TANC2: variants seen among roughly 807,000 people sequenced by gnomAD.
TANC2 encodes protein TANC2.
In TANC2, 26 loss-of-function variants were observed where a neutral mutation model predicts 210.5. That is an observed-to-expected ratio of 0.12 (90% CI 0.09 to 0.17). TANC2 has a LOEUF of 0.17. Among genes scored for constraint, TANC2 ranks in the 10% least tolerant of loss-of-function variants. The pLI is 1.00. For missense variants in TANC2, 2,129 were observed against 2,608.9 expected (o/e 0.82, Z 4.01); for synonymous variants, 931 against 967.1 (o/e 0.96, Z 0.69).
At chr17:63,069,956 T>TTAC (rs2144621460) in intron 2 of TANC2, among the ~76,000 whole-genome samples, 1 of 152,312 alleles carries the variant, frequency 6.6e-6, no homozygotes, top group Admixed American at 6.5e-5. Flanking sequence ...AGAAAATAGG[T>TTAC]TACCAATAGA....
chr17:63,413,380 G>A, intron 24 of TANC2, 163 bp from the exon 25 acceptor site: 1 of 536,778 alleles, frequency 1.9e-6, no homozygotes, highest in Non-Finnish European at 3.3e-6. Context: ...CTTCTTGGCA[G>A]TGGGAGTTAC....
intron 9 of TANC2, among the ~76,000 whole-genome samples, chr17:63,304,896 C>T (rs1230027187): frequency 6.6e-6 from 1 of 152,212 alleles, no homozygotes; most frequent in Non-Finnish European, 1.5e-5. Flanking sequence ...CTGTGAAGGA[C>T]ACCTCTTGGG....
chr17:63,217,275 A>T (rs1261802154), intron 7 of TANC2, among the ~76,000 whole-genome samples: 1 of 152,176 alleles, frequency 6.6e-6, no homozygotes, highest in South Asian at 2.1e-4. Context: ...GCTTTGAGAA[A>T]ATCAGTAAAA....
At chr17:62,994,832 ATTC>A (rs1440692724) in intron 1 of TANC2, among the ~76,000 whole-genome samples, 1 of 152,174 alleles carries the variant, frequency 6.6e-6, no homozygotes, top group Non-Finnish European at 1.5e-5. Context: ...GTCTTTTTGC[ATTC>A]TTCTTCTGAT....
intron 7 of TANC2, among the ~76,000 whole-genome samples, chr17:63,231,363 T>A (rs929858327): frequency 4.6e-5 from 7 of 152,220 alleles, no homozygotes; most frequent in African/African-American, 1.7e-4. Flanking sequence ...TATTAGTCTT[T>A]GTACTTCAGT....
At chr17:63,312,653 C>T (rs1242767298) in intron 9 of TANC2, among the ~76,000 whole-genome samples, 1 of 152,140 alleles carries the variant, frequency 6.6e-6, no homozygotes, top group African/African-American at 2.4e-5. Context: ...ATCATTCATA[C>T]CCCAAACCTC....
intron 2 of TANC2, among the ~76,000 whole-genome samples, chr17:63,056,796 T>C (rs933861790): frequency 6.6e-6 from 1 of 152,250 alleles, no homozygotes; most frequent in Non-Finnish European, 1.5e-5. Context: ...CCATTTCTTA[T>C]CTGTATTTCT....
intron 5 of TANC2, among the ~76,000 whole-genome samples, chr17:63,175,864 A>G (rs941639887): frequency 1.3e-5 from 2 of 152,218 alleles, no homozygotes; most frequent in African/African-American, 4.8e-5. Flanking sequence ...CCATTTTATT[A>G]TGACAACTGA....
At chr17:63,213,167 CT>C (rs2041934287) in intron 7 of TANC2, among the ~76,000 whole-genome samples, 1 of 152,284 alleles carries the variant, frequency 6.6e-6, no homozygotes, top group Admixed American at 6.5e-5. Flanking sequence ...TGTTTGGAGC[CT>C]ACCGTATGTG....
chr17:63,392,110 T>G (rs1299191964), intron 17 of TANC2, among the ~76,000 whole-genome samples: 1 of 152,214 alleles, frequency 6.6e-6, no homozygotes, highest in East Asian at 1.9e-4. Flanking sequence ...TGAGATCCTC[T>G]GGTCTTCCTT....
chr17:63,046,584 G>T (rs914322717), intron 2 of TANC2, among the ~76,000 whole-genome samples: 42 of 150,784 alleles, frequency 2.8e-4, no homozygotes, highest in Admixed American at 2.4e-3. Flanking sequence ...CACCTGCCTT[G>T]GCCTCCCAAA....
At chr17:63,106,340 T>C (rs1337313491) in intron 4 of TANC2, among the ~76,000 whole-genome samples, 1 of 151,674 alleles carries the variant, frequency 6.6e-6, no homozygotes, top group East Asian at 1.9e-4. Context: ...AGAACTGGGC[T>C]CAATTCTGAA....
intron 2 of TANC2, among the ~76,000 whole-genome samples, chr17:63,030,840 A>T (rs9892384): frequency 0.93 from 139,988 of 150,982 alleles, 64,870 homozygotes; most frequent in South Asian, 0.99. Flanking sequence ...TGTTTTTTTT[A>T]ATCTTAAAAA....
At chr17:63,258,618 C>G (rs1278755278) in intron 8 of TANC2, among the ~76,000 whole-genome samples, 9 of 152,164 alleles carry the variant, frequency 5.9e-5, no homozygotes, top group Non-Finnish European at 1.0e-4. Context: ...AGTCTCAACA[C>G]CCCAGGCCCA....
rs2044194030 is a variant in TANC2 at position 63,285,523 on chromosome 17, G to A, written c.1159+17650G>A. Among the ~76,000 whole-genome samples the A allele has an allele frequency of 2.6e-5, 4 of 152,200 alleles. No homozygotes were observed. In the South Asian group the frequency reaches 8.3e-4, roughly 32 times the overall value. The stretch of plus-strand genomic sequence containing the variant: ...GCCCCTCAGTTCACGGATTCCCTGG[G>A]AAGACTCACAGGACTCAACATATAG... On this transcript the variant is annotated intron_variant, in intron 9 of 27. Transcript: ENST00000689528.
intron 9 of TANC2, among the ~76,000 whole-genome samples, chr17:63,273,484 C>G (rs1190561497): frequency 6.6e-6 from 1 of 152,112 alleles, no homozygotes; most frequent in African/African-American, 2.4e-5. Context: ...GTTATGTAAG[C>G]TGTGGAAAAT....
chr17:63,318,331 T>A (rs2045380293), intron 10 of TANC2, among the ~76,000 whole-genome samples: 1 of 152,244 alleles, frequency 6.6e-6, no homozygotes, highest in Non-Finnish European at 1.5e-5. Flanking sequence ...ACAGTTTTAT[T>A]GAGCTGTAAC....
exon 28 of TANC2, chr17:63,423,219 G>A (rs2049067503): frequency 6.6e-6 from 1 of 152,174 alleles, no homozygotes; most frequent in Admixed American, 6.5e-5. Flanking sequence ...GTCAGACGCA[G>A]CAAAAACTGT....
At chr17:63,194,984 ATTAATT>A (rs1401187142) in intron 6 of TANC2, among the ~76,000 whole-genome samples, 1 of 152,176 alleles carries the variant, frequency 6.6e-6, no homozygotes, top group African/African-American at 2.4e-5. Context: ...GAGATGACAA[ATTAATT>A]TTAAATTGCA....
Sources: gnomAD v4.1 joint callset for allele counts (sites outside exome capture counted in the v4.1 genomes callset) on GRCh38, gnomAD v4.1.1 for gene constraint, MANE v1.5 for transcripts, NCBI Gene and HGNC (gene_info 2026-07-23, HGNC 2026-07-21) for gene names.